Variants in MTMR10 observed in about 807,000 individuals in gnomAD.
MTMR10 encodes the protein myotubularin-related protein 10.
In MTMR10, 56 loss-of-function variants were observed where a neutral mutation model predicts 88.1. The observed-to-expected ratio is 0.64, with a 90% CI of 0.51 to 0.79. The LOEUF is 0.79. MTMR10 is among the 30% of genes least tolerant of loss of function. MTMR10 has a pLI of 0.00. For missense variants in MTMR10, 883 were observed against 924.7 expected (o/e 0.95, Z 0.58); for synonymous variants, 380 against 340.9 (o/e 1.11, Z -1.26).
the MTMR10 span, among the ~76,000 whole-genome samples, chr15:30,923,013 G>GC: frequency 3.3e-5 from 5 of 152,228 alleles, no homozygotes; most frequent in Non-Finnish European, 5.9e-5. Flanking sequence ...CCGCCAGCAG[G>GC]CCCCTCCCTG....
the MTMR10 span, among the ~76,000 whole-genome samples, chr15:30,925,623 G>C: frequency 6.6e-6 from 1 of 152,240 alleles, no homozygotes; most frequent in Non-Finnish European, 1.5e-5. Flanking sequence ...CCGGACCAGC[G>C]AACTGTCACA....
intron 14 of MTMR10, among the ~76,000 whole-genome samples, chr15:30,946,006 C>A (rs1334577582): frequency 6.6e-6 from 1 of 152,148 alleles, no homozygotes; most frequent in African/African-American, 2.4e-5. Flanking sequence ...TTCTTTGAGC[C>A]CTGGGTTCCC....
intron 7 of MTMR10, 145 bp from the exon 8 acceptor site, chr15:30,959,266 C>A (rs1227046692): frequency 5.8e-6 from 4 of 684,078 alleles, no homozygotes; most frequent in Non-Finnish European, 9.7e-6. Context: ...CATGGGGGGG[C>A]AGTGACGATC....
the MTMR10 span, chr15:30,927,667 G>A: frequency 3.0e-4 from 297 of 985,658 alleles, no homozygotes; most frequent in African/African-American, 4.7e-3. Flanking sequence ...ATGTCAGGAT[G>A]GGGGTCTGGT....
chr15:30,976,934 A>C lies in MTMR10; in HGVS notation c.143T>G (p.Val48Gly). The change falls in exon 3 of 16, where the codon GTC (valine) becomes GGC (glycine). Residue 48 changes from valine to glycine, a missense_variant. Val to Gly is a moderately radical substitution (Grantham distance 109). Around this residue, in one of 3 missense-constraint regions of MTMR10, gnomAD observed 414 missense variants for 423.2 expected, o/e 0.98. Transcript: ENST00000435680. ...TGCAATGCATTTTCTCACAAAATTG[A>C]CTTCATTTACGACAATTTCTCCTTT... ...LLPGEIVVNE[V>G]NFVRKCIATD... 6.2e-7 allele frequency: 1 copy of C among 1,613,072 alleles called. No individual in the cohort carries two copies. The highest frequency in any genetic ancestry group is 8.5e-7 in the Non-Finnish European group (1 of 1,179,578).
intron 5 of MTMR10, among the ~76,000 whole-genome samples, chr15:30,972,795 A>G (rs971401901): frequency 6.6e-6 from 1 of 152,212 alleles, no homozygotes; most frequent in African/African-American, 2.4e-5. Context: ...ACCAACAAGT[A>G]CTACAGATGG....
chr15:30,954,825 G>T lies in MTMR10; in HGVS notation c.1004C>A (p.Thr335Asn), dbSNP rs755409785. The stretch of plus-strand genomic sequence containing the variant: ...CTGTACTTCTTGAATATTAGGCAAG[G>T]TCTTATCCAAATCTGATTTGTAAAC... Reference protein sequence around the residue: ...SDVYKSDLDKTLPNIQEVQAA... With the variant: ...SDVYKSDLDKNLPNIQEVQAA... The change falls in exon 10 of 16, where the codon ACC becomes AAC. Residue 335 changes from threonine to asparagine, a missense_variant. Physicochemically the swap from Thr to Asn is moderately conservative, Grantham distance 65 (BLOSUM62 0). Transcript: ENST00000435680. 3.8e-6 allele frequency: 6 copies of T among 1,594,984 alleles called. No individual in the cohort carries two copies. The Admixed American group carries it at 1.0e-4, about 28-fold the overall frequency.
In MTMR10 at chr15:30,958,958, G is replaced by A. The variant is rs2063363710; in HGVS notation, c.847-7C>T. ...AGTGGCTCCAGCACCAGAGCTAGGG[G>A]AGAGGTAGAATCCTTACTTCACTGT... On this transcript the variant is annotated splice_polypyrimidine_tract_variant and splice_region_variant and intron_variant, in intron 8 of 15. Coordinates refer to ENST00000435680, the MANE Select transcript of MTMR10 (RefSeq NM_017762.3). 1.2e-6 allele frequency: 2 copies of A among 1,614,014 alleles called. No individual in the cohort carries two copies. Among genetic ancestry groups the A allele is most frequent in the South Asian group, 1.1e-5 (1 of 91,088 alleles).
At chr15:30,950,171 G>C (rs1336376142) in intron 12 of MTMR10, 3 of 152,198 alleles carry the variant, frequency 2.0e-5, no homozygotes, top group East Asian at 1.9e-4. Flanking sequence ...GGATGAGTAG[G>C]GTTCTCCAAT....
At chr15:30,978,041 C>T (rs1356593833) in intron 2 of MTMR10, among the ~76,000 whole-genome samples, 3 of 152,156 alleles carry the variant, frequency 2.0e-5, no homozygotes, top group African/African-American at 7.2e-5. Flanking sequence ...CCTTCCTCAC[C>T]CTCACTGCTC....
At chr15:30,943,239 G>C in intron 14 of MTMR10, 167 bp from the exon 15 acceptor site, 2 of 1,373,322 alleles carry the variant, frequency 1.5e-6, no homozygotes, top group Non-Finnish European at 1.9e-6. Context: ...CCTGGCCTTT[G>C]AGCTCAGAGG....
chr15:30,939,442 C>T lies in MTMR10; in HGVS notation c.*2028G>A, dbSNP rs144062573. 5.7e-5 allele frequency: 56 copies of T among 985,442 alleles called. No individual in the cohort carries two copies. In the African/African-American group the frequency reaches 9.1e-4, roughly 16 times the overall value. 61.0% of individuals were successfully genotyped at this position (985,442 alleles called of 1,614,324 possible). On this transcript the variant is annotated 3_prime_UTR_variant, in exon 16 of 16. Coordinates refer to ENST00000435680, the MANE Select transcript of MTMR10 (RefSeq NM_017762.3). ...GCAGAGGTGGTATAAGCAGCTTCAC[C>T]CTGGCCCGACTGAAGGCTGTCATAG...
intron 2 of MTMR10, among the ~76,000 whole-genome samples, chr15:30,977,498 G>A (rs2030240189): frequency 6.6e-6 from 1 of 152,132 alleles, no homozygotes; most frequent in African/African-American, 2.4e-5. Context: ...CGTAGTTTGA[G>A]TTAAAAGAAA....
intron 14 of MTMR10, 62 bp downstream of exon 14, chr15:30,947,068 A>G (rs1373979623): frequency 5.3e-6 from 8 of 1,506,126 alleles, no homozygotes; most frequent in Middle Eastern, 1.8e-4. Context: ...TTATACTTCA[A>G]TTATGCCTCG....
chr15:30,920,570 C>G, the MTMR10 span: 1 of 1,611,166 alleles, frequency 6.2e-7, no homozygotes, highest in East Asian at 2.2e-5. Flanking sequence ...ACCACTCTTC[C>G]TGCGGTGTTT....
At chr15:30,951,222 T>C (rs1263435701) in intron 12 of MTMR10, among the ~76,000 whole-genome samples, 3 of 152,240 alleles carry the variant, frequency 2.0e-5, no homozygotes, top group Non-Finnish European at 4.4e-5. Context: ...TACCAAATAT[T>C]ACATTACTAG....
chr15:30,960,401 G>A (rs1272614946), intron 7 of MTMR10, among the ~76,000 whole-genome samples: 1 of 152,190 alleles, frequency 6.6e-6, no homozygotes, highest in Non-Finnish European at 1.5e-5. Flanking sequence ...ACATTTTAAA[G>A]GAAATATTAG....
In MTMR10 at chr15:30,941,971, T is replaced by A; in HGVS notation, c.1833A>T (p.Lys611Asn). The A allele has an allele frequency of 6.2e-7, 1 of 1,613,978 alleles. No homozygotes were observed. Among genetic ancestry groups the A allele is most frequent in the Non-Finnish European group, 8.5e-7 (1 of 1,179,894 alleles). ...LLPRRNSLIL[K>N]PKPDPAQQTD... ...TTTGCTGAGCTGGATCTGGCTTTGG[T>A]TTTAATATCAATGAATTTCTCCTTG... The change falls in exon 16 of 16, where the codon AAA becomes AAT. Residue 611 changes from lysine (K) to asparagine (N), a missense_variant. Physicochemically the swap from Lys to Asn is moderately conservative, Grantham distance 94. Coordinates refer to ENST00000435680, the MANE Select transcript of MTMR10 (RefSeq NM_017762.3).
chr15:30,925,274 G>C, the MTMR10 span: 3 of 1,614,040 alleles, frequency 1.9e-6, no homozygotes, highest in Middle Eastern at 1.7e-4. Context: ...AGAAATGGCT[G>C]TGCAAGATGT....
Sources: allele counts gnomAD v4.1 joint callset (sites outside exome capture counted in the v4.1 genomes callset), GRCh38; gene constraint gnomAD v4.1.1; regional missense constraint gnomAD v4.1.1; transcripts MANE v1.5; gene names NCBI Gene and HGNC (gene_info 2026-07-23, HGNC 2026-07-21).